KCNIP4: variants seen among roughly 807,000 people sequenced by gnomAD.
The protein encoded by KCNIP4 is Kv channel-interacting protein 4.
In KCNIP4, 12 loss-of-function variants were observed where a neutral mutation model predicts 34.0. The observed-to-expected ratio is 0.35, with a 90% CI of 0.23 to 0.57. The LOEUF (loss-of-function observed/expected upper bound fraction) is 0.57, where lower values mean the gene tolerates loss of function less well. Among genes scored for constraint, KCNIP4 ranks in the 20% least tolerant of loss-of-function variants. The pLI, the probability that KCNIP4 is intolerant of heterozygous loss-of-function variation, is 0.83. For missense variants in KCNIP4, 238 were observed against 311.7 expected (o/e 0.76, Z 1.78); for synonymous variants, 124 against 102.2 (o/e 1.21, Z -1.29).
intron 1 of KCNIP4, among the ~76,000 whole-genome samples, chr4:21,180,323 C>A (rs1754747222): frequency 6.6e-6 from 1 of 151,990 alleles, no homozygotes; most frequent in Non-Finnish European, 1.5e-5. Context: ...AATAGTTTTT[C>A]ATTGATGTTG....
At chr4:21,386,144 G>C (rs1284420426) in intron 1 of KCNIP4, among the ~76,000 whole-genome samples, 1 of 152,120 alleles carries the variant, frequency 6.6e-6, no homozygotes, top group Non-Finnish European at 1.5e-5. Context: ...CTTGTGGTTT[G>C]TATGCAATTG....
At chr4:21,667,099 T>G (rs917223360) in intron 1 of KCNIP4, among the ~76,000 whole-genome samples, 2 of 152,114 alleles carry the variant, frequency 1.3e-5, no homozygotes, top group African/African-American at 4.8e-5. Context: ...TGGAGAAACT[T>G]GAAGAGGAAA....
At chr4:20,819,139 C>T (rs532487090) in intron 3 of KCNIP4, among the ~76,000 whole-genome samples, 6 of 152,040 alleles carry the variant, frequency 3.9e-5, no homozygotes, top group Admixed American at 1.3e-4. Flanking sequence ...GGATTACAGG[C>T]GTGAGCCACA....
chr4:21,782,001 A>G (rs1719602896), intron 1 of KCNIP4, among the ~76,000 whole-genome samples: 2 of 151,526 alleles, frequency 1.3e-5, no homozygotes, highest in South Asian at 4.2e-4. Context: ...AAAATGTTCA[A>G]GTAACCCAAA....
intron 1 of KCNIP4, among the ~76,000 whole-genome samples, chr4:21,781,210 T>A (rs1719554575): frequency 6.6e-6 from 1 of 152,104 alleles, no homozygotes; most frequent in Non-Finnish European, 1.5e-5. Flanking sequence ...AATCTGATAG[T>A]TTTATAAGCG....
chr4:21,677,269 C>G (rs1158448007), intron 1 of KCNIP4, among the ~76,000 whole-genome samples: 1 of 152,154 alleles, frequency 6.6e-6, no homozygotes, highest in Non-Finnish European at 1.5e-5. Flanking sequence ...TGGCCTGATT[C>G]ACTTGAAGAA....
intron 1 of KCNIP4, among the ~76,000 whole-genome samples, chr4:21,497,000 A>G (rs1385384688): frequency 2.0e-5 from 3 of 152,174 alleles, no homozygotes; most frequent in African/African-American, 7.2e-5. Context: ...TCTAAGGGGC[A>G]TGTGGAGGGG....
At chr4:20,834,007 T>C (rs1324802437) in intron 3 of KCNIP4, among the ~76,000 whole-genome samples, 1 of 152,116 alleles carries the variant, frequency 6.6e-6, no homozygotes, top group East Asian at 1.9e-4. Context: ...GGGCTGCAGA[T>C]CTCGGGATCC....
At chr4:21,343,763 C>G (rs887722293) in intron 1 of KCNIP4, among the ~76,000 whole-genome samples, 1 of 152,072 alleles carries the variant, frequency 6.6e-6, no homozygotes, top group Admixed American at 6.6e-5. Flanking sequence ...TAGATTCCGA[C>G]GCAGGCTCTT....
rs71191600 is a variant in KCNIP4, at chr4:21,756,552, C to CAA, written c.61+192017_61+192018dup. Among the ~76,000 whole-genome samples, 33 of 124,936 alleles carry CAA rather than the reference C, an allele frequency of 2.6e-4. No individual in the cohort carries two copies. The East Asian group carries it at 4.5e-3, about 17-fold the overall frequency. 82.0% of individuals were successfully genotyped at this position (124,936 alleles called of 152,430 possible). ...CTGGCGACAGAGCAAGACTCTGTCT[C>CAA]AAAAAAAAAAAAAAAAAGAGAGAGA... is the stretch of plus-strand genomic sequence containing the variant. On this transcript the variant is annotated intron_variant, in intron 1 of 8. Transcript: ENST00000382152.
intron 1 of KCNIP4, chr4:21,656,931 G>A (rs1747999208): frequency 6.6e-6 from 1 of 152,102 alleles, no homozygotes; most frequent in Non-Finnish European, 1.5e-5. Flanking sequence ...CTTTGCACAC[G>A]ATGTTCCCCA....
chr4:21,183,473 T>G (rs1378360678), intron 1 of KCNIP4, among the ~76,000 whole-genome samples: 1 of 151,268 alleles, frequency 6.6e-6, no homozygotes, highest in Non-Finnish European at 1.5e-5. Flanking sequence ...GTTTTTGTTT[T>G]TTTTTTTTTT....
At chr4:21,198,137 C>T (rs1037138500) in intron 1 of KCNIP4, among the ~76,000 whole-genome samples, 4 of 152,138 alleles carry the variant, frequency 2.6e-5, no homozygotes. Flanking sequence ...CTGCATGTTG[C>T]AGACACTTGT....
intron 1 of KCNIP4, among the ~76,000 whole-genome samples, chr4:21,468,943 C>T (rs1464488328): frequency 6.6e-6 from 1 of 152,096 alleles, no homozygotes; most frequent in Non-Finnish European, 1.5e-5. Flanking sequence ...CAGTGATTCT[C>T]CAAAACTATT....
chr4:21,276,169 C>G (rs1434955485), intron 1 of KCNIP4, among the ~76,000 whole-genome samples: 1 of 152,184 alleles, frequency 6.6e-6, no homozygotes, highest in Non-Finnish European at 1.5e-5. Flanking sequence ...ATTCACAACA[C>G]ACAACCAGGC....
rs190983095 is a variant in KCNIP4, at chr4:20,770,570, C to T, written c.289-11680G>A. ...ATAAAATACAGCAGGTACTCCATATCGCAGCTGCAGCATGCACAGATTCAA... is the reference window on the plus strand; with the variant it reads ...ATAAAATACAGCAGGTACTCCATATTGCAGCTGCAGCATGCACAGATTCAA... On this transcript the variant is annotated intron_variant, in intron 3 of 8. Transcript: ENST00000382152. Among the ~76,000 whole-genome samples, 237 of 152,028 alleles carry T rather than the reference C, an allele frequency of 1.6e-3. 1 individual carries two copies. Among genetic ancestry groups the T allele is most frequent in the Admixed American group, 2.8e-3 (42 of 15,254 alleles).
At chr4:21,287,069 A>G (rs1242691015) in intron 1 of KCNIP4, among the ~76,000 whole-genome samples, 2 of 152,116 alleles carry the variant, frequency 1.3e-5, no homozygotes, top group Admixed American at 6.5e-5. Flanking sequence ...CCAAAATTTT[A>G]TGACCATAGA....
chr4:21,786,654 G>A (rs1033407836), intron 1 of KCNIP4, among the ~76,000 whole-genome samples: 21 of 147,838 alleles, frequency 1.4e-4, no homozygotes, highest in African/African-American at 5.0e-4. Context: ...TGCAAGCTCC[G>A]CCTCCCGGGT....
At chr4:21,660,926 T>A (rs1577782632) in intron 1 of KCNIP4, among the ~76,000 whole-genome samples, 1 of 152,192 alleles carries the variant, frequency 6.6e-6, no homozygotes, top group African/African-American at 2.4e-5. Context: ...GCCTGGAAAC[T>A]TGCAGCCCTA....
Sources: gnomAD v4.1 joint callset for allele counts (sites outside exome capture counted in the v4.1 genomes callset) on GRCh38, gnomAD v4.1.1 for gene constraint, MANE v1.5 for transcripts, NCBI Gene and HGNC (gene_info 2026-07-23, HGNC 2026-07-21) for gene names.